The following KCTD16 variants were observed in gnomAD, a reference collection of about 807,000 sequenced individuals.
KCTD16 encodes the protein BTB/POZ domain-containing protein KCTD16.
A neutral mutation model predicts 33.2 loss-of-function variants in KCTD16; 13 were observed. That is an observed-to-expected ratio of 0.39 (90% CI 0.25 to 0.62). The LOEUF is 0.62. KCTD16 is among the 20% of genes least tolerant of loss of function. The pLI is 0.50. For synonymous variants in KCTD16, 197 were observed against 195.3 expected, an observed-to-expected ratio of 1.01 and a Z score of -0.07; for missense variants, 441 against 525.1, an observed-to-expected ratio of 0.84 and a Z score of 1.57.
At chr5:144,349,826 T>C (rs1156266976) in intron 3 of KCTD16, among the ~76,000 whole-genome samples, 1 of 152,222 alleles carries the variant, frequency 6.6e-6, no homozygotes, top group African/African-American at 2.4e-5. Context: ...CTGCTCTCTG[T>C]GACCATGGAA....
chr5:144,235,490 A>C (rs976252500), intron 3 of KCTD16, among the ~76,000 whole-genome samples: 1 of 152,068 alleles, frequency 6.6e-6, no homozygotes, highest in Non-Finnish European at 1.5e-5. Context: ...GACCTTGTGC[A>C]CACAAGTTAC....
chr5:144,407,890 C>T (rs1752846809), intron 3 of KCTD16, among the ~76,000 whole-genome samples: 1 of 152,180 alleles, frequency 6.6e-6, no homozygotes, highest in African/African-American at 2.4e-5. Context: ...TTTTTTATGG[C>T]TGCATAGTAT....
intron 3 of KCTD16, among the ~76,000 whole-genome samples, chr5:144,263,236 A>G (rs1408117844): frequency 6.6e-6 from 1 of 152,216 alleles, no homozygotes; most frequent in Non-Finnish European, 1.5e-5. Flanking sequence ...AATAGTTCCC[A>G]CAGCATGGGA....
At chr5:144,419,149 A>G (rs1407245026) in intron 3 of KCTD16, among the ~76,000 whole-genome samples, 2 of 152,136 alleles carry the variant, frequency 1.3e-5, no homozygotes, top group Non-Finnish European at 2.9e-5. Context: ...CATTGTGCCC[A>G]TTTGACACAT....
intron 3 of KCTD16, among the ~76,000 whole-genome samples, chr5:144,421,301 C>CA (rs1561602370): frequency 2.0e-5 from 3 of 152,110 alleles, no homozygotes; most frequent in African/African-American, 7.2e-5. Context: ...CTTCTCTCTG[C>CA]AAAAAGGTGA....
rs568473946 is a variant in KCTD16, at chr5:144,482,177, G to A, written c.*8063G>A. The A allele has an allele frequency of 1.3e-5, 2 of 151,958 alleles. No homozygotes were observed. Among genetic ancestry groups the A allele is most frequent in the South Asian group, 2.1e-4 (1 of 4,824 alleles). 9.4% of individuals were successfully genotyped at this position (151,958 alleles called of 1,614,324 possible). On this transcript the variant is annotated 3_prime_UTR_variant, in exon 4 of 4. Coordinates refer to ENST00000512467, the MANE Select transcript of KCTD16 (RefSeq NM_020768.4). The stretch of plus-strand genomic sequence containing the variant: ...TTCTCCTCTCTCCTATGCTAAACAA[G>A]GTGAGATCCCAGCCTGACATCCTTC...
At chr5:144,417,470 C>G (rs1159347765) in intron 3 of KCTD16, among the ~76,000 whole-genome samples, 2 of 151,922 alleles carry the variant, frequency 1.3e-5, no homozygotes, top group African/African-American at 4.8e-5. Flanking sequence ...CTGAGTTTGC[C>G]TTTTTTGTTA....
intron 3 of KCTD16, among the ~76,000 whole-genome samples, chr5:144,332,723 A>G (rs1017152479): frequency 6.6e-6 from 1 of 152,160 alleles, no homozygotes; most frequent in Non-Finnish European, 1.5e-5. Context: ...TAAAAATACT[A>G]ACACTTGGCA....
At chr5:144,330,965 A>G (rs1446475611) in intron 3 of KCTD16, among the ~76,000 whole-genome samples, 1 of 152,254 alleles carries the variant, frequency 6.6e-6, no homozygotes, top group Non-Finnish European at 1.5e-5. Context: ...GAAGTGCTGT[A>G]GGAATGTAAA....
At chr5:144,470,763 A>T (rs143467515) in intron 3 of KCTD16, among the ~76,000 whole-genome samples, 1 of 152,376 alleles carries the variant, frequency 6.6e-6, no homozygotes, top group Non-Finnish European at 1.5e-5. Context: ...TCATCCCAGC[A>T]GTTCAGGGAG....
chr5:144,209,154 C>T (rs775454616), intron 3 of KCTD16, among the ~76,000 whole-genome samples: 4 of 152,154 alleles, frequency 2.6e-5, no homozygotes, highest in Admixed American at 6.5e-5. Flanking sequence ...AACATAGCAT[C>T]GTAAGAAGCT....
rs376426438 is a variant in KCTD16 at position 144,474,137 on chromosome 5, GA to G, written c.*33del. ...TAAGGGAGGGCTGGGGGCGGGAAAA[GA>G]AAAAAAAAAGTCATTTTGAAATTAA... On this transcript the variant is annotated 3_prime_UTR_variant, in exon 4 of 4. Transcript: ENST00000512467. 1,858 of 1,352,240 alleles carry G rather than the reference GA, an allele frequency of 1.4e-3. 3 individuals carry two copies. The highest frequency in any genetic ancestry group is 1.5e-3 in the Non-Finnish European group (1,517 of 1,005,502). The allele number at this position is 1,352,240 out of a possible 1,614,324, so 83.8% of individuals were successfully genotyped here. A position where few individuals can be genotyped will look rare whatever the true frequency, so the allele number is the denominator to read the frequency against.
chr5:144,447,497 G>C (rs1753846702), intron 3 of KCTD16, among the ~76,000 whole-genome samples: 2 of 152,028 alleles, frequency 1.3e-5, no homozygotes, highest in South Asian at 4.1e-4. Flanking sequence ...CATCGCACAT[G>C]TATACCTATG....
intron 3 of KCTD16, among the ~76,000 whole-genome samples, chr5:144,406,146 A>T (rs1266653590): frequency 6.6e-6 from 1 of 152,220 alleles, no homozygotes; most frequent in Non-Finnish European, 1.5e-5. Context: ...TTAGATAACC[A>T]GGAAGCACCC....
chr5:144,280,617 T>C (rs1755571354), intron 3 of KCTD16, among the ~76,000 whole-genome samples: 2 of 152,192 alleles, frequency 1.3e-5, no homozygotes, highest in African/African-American at 4.8e-5. Flanking sequence ...TACTTTTAGT[T>C]TGGTTGGTTT....
At position 144,476,658 on chromosome 5, in the gene KCTD16, T is replaced by C. The variant is rs566883057; in HGVS notation, c.*2544T>C. 1.3e-5 allele frequency: 2 copies of C among 152,232 alleles called. No homozygotes were observed. Among genetic ancestry groups the C allele is most frequent in the East Asian group, 1.9e-4 (1 of 5,170 alleles). The allele number at this position is 152,232 out of a possible 1,614,324, so 9.4% of individuals were successfully genotyped here. On this transcript the variant is annotated 3_prime_UTR_variant, in exon 4 of 4. Coordinates refer to ENST00000512467, the MANE Select transcript of KCTD16 (RefSeq NM_020768.4). ...GCATTTATTTGTGTGAGTGTTTATA[T>C]AGAAATGAACATAGACCTGGCCAGT...
chr5:144,430,305 T>C (rs1471808456), intron 3 of KCTD16, among the ~76,000 whole-genome samples: 1 of 152,128 alleles, frequency 6.6e-6, no homozygotes, highest in Non-Finnish European at 1.5e-5. Flanking sequence ...GGAATTGCTG[T>C]CAAATCAAGA....
intron 3 of KCTD16, among the ~76,000 whole-genome samples, chr5:144,344,599 A>C (rs1419875753): frequency 6.6e-6 from 1 of 151,562 alleles, no homozygotes; most frequent in African/African-American, 2.4e-5. Context: ...AAAACACATG[A>C]AAAAATGCTC....
At chr5:144,380,449 C>G (rs1249776087) in intron 3 of KCTD16, among the ~76,000 whole-genome samples, 1 of 152,148 alleles carries the variant, frequency 6.6e-6, no homozygotes, top group South Asian at 2.1e-4. Context: ...CTATTTATAT[C>G]AAACTATGAA....
Sources: allele counts gnomAD v4.1 joint callset (sites outside exome capture counted in the v4.1 genomes callset), GRCh38; gene constraint gnomAD v4.1.1; transcripts MANE v1.5; gene names NCBI Gene and HGNC (gene_info 2026-07-23, HGNC 2026-07-21).